HIF1AN: variants seen among roughly 807,000 people sequenced by gnomAD.
The protein encoded by HIF1AN is hypoxia-inducible factor 1-alpha inhibitor.
Under a neutral mutation model 47.7 loss-of-function variants are expected in HIF1AN, and 21 were observed. The observed-to-expected ratio is 0.44, with a 90% CI of 0.31 to 0.63. The LOEUF (loss-of-function observed/expected upper bound fraction) is 0.63, where lower values mean the gene tolerates loss of function less well. Ranked by LOEUF, HIF1AN falls within the 30% of genes least tolerant of loss-of-function variation. The pLI is 0.07. For synonymous variants in HIF1AN, 152 were observed against 155.9 expected, an observed-to-expected ratio of 0.98 and a Z score of 0.18; for missense variants, 320 against 432.7, an observed-to-expected ratio of 0.74 and a Z score of 2.31.
In HIF1AN at chr10:100,536,546, GAGA is replaced by G. The variant is rs1410668554; in HGVS notation, c.320_322del (p.Lys107del). The stretch of plus-strand genomic sequence containing the variant: ...CACCCACAAGTTCTTGTACTATGAT[GAGA>G]AGAAGATGGCCAATTTCCAGAACTT... On this transcript the variant is annotated inframe_deletion, in exon 2 of 8. Coordinates refer to ENST00000299163, the MANE Select transcript of HIF1AN (RefSeq NM_017902.3). 1 of 1,614,182 alleles carries G rather than the reference GAGA, an allele frequency of 6.2e-7. No individual in the cohort carries two copies. Among genetic ancestry groups the G allele is most frequent in the African/African-American group, 1.3e-5 (1 of 75,046 alleles).
intron 3 of HIF1AN, among the ~76,000 whole-genome samples, chr10:100,542,241 G>C (rs1056892685): frequency 6.6e-6 from 1 of 151,960 alleles, no homozygotes; most frequent in Admixed American, 6.6e-5. Flanking sequence ...TCATCATGTG[G>C]CACATGACTG....
chr10:100,536,227 G>A (rs1852218508), intron 1 of HIF1AN, 92 bp downstream of exon 1: 1 of 1,360,118 alleles, frequency 7.4e-7, no homozygotes, highest in Non-Finnish European at 1.0e-6. Flanking sequence ...AGACTGGCAG[G>A]GCTCTAGACT....
At position 100,546,162 on chromosome 10, in the gene HIF1AN, A is replaced by G. The variant is rs531885470; in HGVS notation, c.830+113A>G. On this transcript the variant is annotated intron_variant, in intron 5 of 7. Transcript: ENST00000299163. ...GCATGATTGGTTTTATGTGGTCTAT[A>G]GGAAGGTTGGCATATCCAGACATGA... The G allele has an allele frequency of 2.7e-4, 211 of 781,284 alleles. 2 individuals carry two copies. The South Asian group carries it at 3.2e-3, about 12-fold the overall frequency. 48.4% of individuals were successfully genotyped at this position (781,284 alleles called of 1,614,324 possible).
At chr10:100,547,845 C>T (rs928369512) in intron 7 of HIF1AN, among the ~76,000 whole-genome samples, 5 of 149,032 alleles carry the variant, frequency 3.4e-5, no homozygotes, top group Non-Finnish European at 6.0e-5. Flanking sequence ...CCGTTTGGGG[C>T]AGATTACGGT....
At chr10:100,547,095 C>T (rs1261694606) in intron 6 of HIF1AN, 45 bp from the exon 7 acceptor site, 14 of 1,358,080 alleles carry the variant, frequency 1.0e-5, no homozygotes, top group African/African-American at 4.3e-5. Context: ...GTGACACTGA[C>T]GCCTGCTGCT....
At chr10:100,537,729 A>G (rs1852243547) in intron 2 of HIF1AN, among the ~76,000 whole-genome samples, 1 of 152,134 alleles carries the variant, frequency 6.6e-6, no homozygotes, top group African/African-American at 2.4e-5. Flanking sequence ...TTGGTGTCCA[A>G]CCCTGGGTTT....
intron 4 of HIF1AN, 50 bp downstream of exon 4, chr10:100,545,146 G>GGAA: frequency 6.3e-7 from 1 of 1,576,688 alleles, no homozygotes; most frequent in East Asian, 2.3e-5. Flanking sequence ...TTCTAGTAAT[G>GGAA]CCTAGGCTGG....
At chr10:100,545,827 A>G in intron 4 of HIF1AN, 116 bp from the exon 5 acceptor site, 1 of 697,272 alleles carries the variant, frequency 1.4e-6, no homozygotes, top group Non-Finnish European at 2.5e-6. Context: ...ACTTTTTTTA[A>G]GGCATCGTTT....
chr10:100,558,317 G>A lies in HIF1AN; in HGVS notation c.*10180G>A, dbSNP rs1328009961. The stretch of plus-strand genomic sequence containing the variant: ...CAGGTTTCATCTGAAAAACTTAAGA[G>A]TTGCTAGGCACAGTCGTGCACACTT... On this transcript the variant is annotated 3_prime_UTR_variant, in exon 8 of 8. Coordinates refer to ENST00000299163, the MANE Select transcript of HIF1AN (RefSeq NM_017902.3). 2 of 152,192 alleles carry A rather than the reference G, an allele frequency of 1.3e-5. No homozygotes were observed. The highest frequency in any genetic ancestry group is 2.9e-5 in the Non-Finnish European group (2 of 68,036). 9.4% of individuals were successfully genotyped at this position (152,192 alleles called of 1,614,324 possible). A position where few individuals can be genotyped will look rare whatever the true frequency, so the allele number is the denominator to read the frequency against.
At position 100,549,536 on chromosome 10, in the gene HIF1AN, T is replaced by C. The variant is rs1427640102; in HGVS notation, c.*1399T>C. 2 of 152,266 alleles carry C rather than the reference T, an allele frequency of 1.3e-5. No individual in the cohort carries two copies. The highest frequency in any genetic ancestry group is 4.8e-5 in the African/African-American group (2 of 41,436). 9.4% of individuals were successfully genotyped at this position (152,266 alleles called of 1,614,324 possible). A position where few individuals can be genotyped will look rare whatever the true frequency, so the allele number is the denominator to read the frequency against. ...ATGGAAGTCGAATTTCCTTTTCTGT[T>C]AGGAGCTACTCCTGGGAACCCCTCT... On this transcript the variant is annotated 3_prime_UTR_variant, in exon 8 of 8. Transcript: ENST00000299163.
intron 2 of HIF1AN, among the ~76,000 whole-genome samples, chr10:100,538,803 A>G (rs1852260606): frequency 7.1e-6 from 1 of 140,782 alleles, no homozygotes; most frequent in Admixed American, 7.3e-5. Context: ...CCTGGGTGAC[A>G]GTGAGACTCC....
At chr10:100,541,472 A>G (rs1214530593) in intron 3 of HIF1AN, among the ~76,000 whole-genome samples, 20 of 152,094 alleles carry the variant, frequency 1.3e-4, no homozygotes, top group Admixed American at 1.3e-3. Flanking sequence ...AAATGAAATA[A>G]TGTATGTCGA....
chr10:100,546,476 A>G (rs1201522541), intron 5 of HIF1AN, 42 bp from the exon 6 acceptor site: 1 of 1,131,532 alleles, frequency 8.8e-7, no homozygotes, highest in Non-Finnish European at 1.2e-6. Context: ...GCCCCCGCCA[A>G]AAGTATCAGT....
chr10:100,545,348 G>A (rs1843083478), intron 4 of HIF1AN: 1 of 436,800 alleles, frequency 2.3e-6, no homozygotes, highest in Non-Finnish European at 4.1e-6. Context: ...TGATGCTGAT[G>A]GACTCTGGTT....
chr10:100,540,611 G>T (rs1379699321), intron 2 of HIF1AN, 23 bp from the exon 3 acceptor site: 3 of 1,613,174 alleles, frequency 1.9e-6, no homozygotes, highest in African/African-American at 2.7e-5. Context: ...GCACTAATAG[G>T]ATTTTCTTCT....
chr10:100,548,021 C>G, intron 7 of HIF1AN, 72 bp from the exon 8 acceptor site: 1 of 1,422,216 alleles, frequency 7.0e-7, no homozygotes, highest in South Asian at 1.2e-5. Flanking sequence ...TCTGATGTCT[C>G]CAGACACACC....
At chr10:100,544,847 T>C in intron 3 of HIF1AN, 104 bp from the exon 4 acceptor site, 2 of 1,100,160 alleles carry the variant, frequency 1.8e-6, no homozygotes, top group Non-Finnish European at 2.6e-6. Flanking sequence ...TTGGAACTTT[T>C]AGCTGGGAGG....
rs1174935155 is a variant in HIF1AN at position 100,559,394 on chromosome 10, T to C, written c.*11257T>C. 1 of 152,172 alleles carries C rather than the reference T, an allele frequency of 6.6e-6. No individual in the cohort carries two copies. Among genetic ancestry groups the C allele is most frequent in the East Asian group, 1.9e-4 (1 of 5,196 alleles). The allele number at this position is 152,172 out of a possible 1,614,324, so 9.4% of individuals were successfully genotyped here. On this transcript the variant is annotated 3_prime_UTR_variant, in exon 8 of 8. Transcript: ENST00000299163. The stretch of plus-strand genomic sequence containing the variant: ...TTAAAAGCTTAGAAAAGAGAGGATT[T>C]TGGATATGTAACTTTGAAGAGGTGA...
At position 100,535,950 on chromosome 10, in the gene HIF1AN, G is replaced by A. The variant is rs1413063186; in HGVS notation, c.-9G>A. 6.5e-7 allele frequency: 1 copy of A among 1,546,896 alleles called. No individual in the cohort carries two copies. The highest frequency in any genetic ancestry group is 8.7e-7 in the Non-Finnish European group (1 of 1,146,582). On this transcript the variant is annotated 5_prime_UTR_variant, in exon 1 of 8. Coordinates refer to ENST00000299163, the MANE Select transcript of HIF1AN (RefSeq NM_017902.3). ...CCGGTTCCGGTGGGGGCCGTCCCTG[G>A]CGGCGGAGATGGCGGCGACAGCGGC...
Sources: gnomAD v4.1 joint callset for allele counts (sites outside exome capture counted in the v4.1 genomes callset) on GRCh38, gnomAD v4.1.1 for gene constraint, MANE v1.5 for transcripts, NCBI Gene and HGNC (gene_info 2026-07-23, HGNC 2026-07-21) for gene names.